Variants in WDFY2 observed in about 807,000 individuals in gnomAD.
The protein encoded by WDFY2 is WD repeat and FYVE domain containing 2.
WDFY2 carries 36 observed loss-of-function variants against 56.4 expected under a neutral mutation model. The ratio of observed to expected loss-of-function variants is 0.64; its 90% CI spans 0.49 to 0.84. The LOEUF (loss-of-function observed/expected upper bound fraction) is 0.84, where lower values mean the gene tolerates loss of function less well. WDFY2 is among the 40% of genes least tolerant of loss of function. The pLI is 0.00. For missense variants in WDFY2, 444 were observed against 512.2 expected (o/e 0.87, Z 1.29); for synonymous variants, 176 against 183.7 (o/e 0.96, Z 0.34).
chr13:51,617,177 AATCTATTTAATAAGAATTC>A (rs1179204437), intron 1 of WDFY2, among the ~76,000 whole-genome samples: 2 of 152,184 alleles, frequency 1.3e-5, no homozygotes, highest in African/African-American at 4.8e-5. Context: ...ACTCTAACTT[AATCTATTTAATAAGAATTC>A]CTATTTCTGT....
At chr13:51,755,302 T>A in intron 8 of WDFY2, 56 bp from the exon 9 acceptor site, 1 of 1,536,304 alleles carries the variant, frequency 6.5e-7, no homozygotes, top group Non-Finnish European at 9.0e-7. Context: ...GGGTCAGTGG[T>A]TTCCATTGTC....
intron 1 of WDFY2, among the ~76,000 whole-genome samples, chr13:51,659,600 A>G (rs1186925554): frequency 1.3e-5 from 2 of 152,190 alleles, no homozygotes; most frequent in Admixed American, 1.3e-4. Flanking sequence ...TTTGGTCAGA[A>G]CATCATGATA....
At chr13:51,676,970 A>G (rs1955898104) in intron 3 of WDFY2, among the ~76,000 whole-genome samples, 1 of 152,230 alleles carries the variant, frequency 6.6e-6, no homozygotes, top group African/African-American at 2.4e-5. Flanking sequence ...ACTTAGGTTT[A>G]CATAACATAG....
At chr13:51,747,581 G>C (rs1953131622) in intron 7 of WDFY2, among the ~76,000 whole-genome samples, 1 of 152,226 alleles carries the variant, frequency 6.6e-6, no homozygotes, top group Admixed American at 6.5e-5. Context: ...ACCCAGGCTA[G>C]AGTGCAGTGG....
chr13:51,607,717 A>G (rs1476932477), intron 1 of WDFY2, among the ~76,000 whole-genome samples: 1 of 152,200 alleles, frequency 6.6e-6, no homozygotes, highest in Non-Finnish European at 1.5e-5. Context: ...CCCATATGCC[A>G]TGTCTCAGAA....
rs140815818 is a variant in WDFY2, at chr13:51,585,018, C to T, written c.137+194C>T. Among the ~76,000 whole-genome samples the T allele has an allele frequency of 9.3e-3, 1,419 of 152,312 alleles. 16 individuals are homozygous for T. Among genetic ancestry groups the T allele is most frequent in the African/African-American group, 0.031 (1,294 of 41,558 alleles). On this transcript the variant is annotated intron_variant, in intron 1 of 11. Coordinates refer to ENST00000298125, the MANE Select transcript of WDFY2 (RefSeq NM_052950.4). ...GCTGTGTGGCTCCGGGAAGCGGAGC[C>T]GGGACGGCGGCGAGCGCTCCGGCTT...
chr13:51,692,317 A>G (rs1305926128), intron 3 of WDFY2, among the ~76,000 whole-genome samples: 3 of 152,276 alleles, frequency 2.0e-5, no homozygotes, highest in Admixed American at 6.5e-5. Flanking sequence ...TCAGTATGAT[A>G]TTGGCTGTAG....
intron 1 of WDFY2, among the ~76,000 whole-genome samples, chr13:51,635,064 G>C (rs569189521): frequency 4.0e-5 from 6 of 151,864 alleles, no homozygotes; most frequent in Non-Finnish European, 7.4e-5. Flanking sequence ...TCAGCCTCCC[G>C]AGTAGCTGGG....
intron 1 of WDFY2, among the ~76,000 whole-genome samples, chr13:51,610,012 T>A (rs1361581087): frequency 6.6e-6 from 1 of 152,124 alleles, no homozygotes; most frequent in Non-Finnish European, 1.5e-5. Context: ...TTCTTTTTCC[T>A]GATTTATACC....
chr13:51,756,217 C>T, intron 9 of WDFY2, 115 bp from the exon 10 acceptor site: 1 of 1,447,946 alleles, frequency 6.9e-7, no homozygotes, highest in Non-Finnish European at 9.3e-7. Flanking sequence ...CTCTCTTGTT[C>T]AGCATCCTCA....
chr13:51,649,597 C>T (rs181927086), intron 1 of WDFY2, among the ~76,000 whole-genome samples: 242 of 132,260 alleles, frequency 1.8e-3, no homozygotes, highest in African/African-American at 6.5e-3. Flanking sequence ...CACAATAGGC[C>T]CCAGCCCTGG....
chr13:51,604,332 G>T (rs1593866053), intron 1 of WDFY2, among the ~76,000 whole-genome samples: 1 of 152,172 alleles, frequency 6.6e-6, no homozygotes. Context: ...AATGAGTTGA[G>T]AGAAACATCT....
chr13:51,596,547 T>G (rs1054058211), intron 1 of WDFY2, among the ~76,000 whole-genome samples: 5 of 152,234 alleles, frequency 3.3e-5, no homozygotes, highest in Admixed American at 6.5e-5. Context: ...AAATACAGTT[T>G]GAGTGCAAAG....
chr13:51,760,627 A>C lies in WDFY2; in HGVS notation c.*858A>C, dbSNP rs1027418819. The C allele has an allele frequency of 2.0e-5, 3 of 152,214 alleles. No homozygotes were observed. Among genetic ancestry groups the C allele is most frequent in the African/African-American group, 7.2e-5 (3 of 41,454 alleles). The allele number at this position is 152,214 out of a possible 1,614,324, so 9.4% of individuals were successfully genotyped here. A position where few individuals can be genotyped will look rare whatever the true frequency, so the allele number is the denominator to read the frequency against. On this transcript the variant is annotated 3_prime_UTR_variant, in exon 12 of 12. Transcript: ENST00000298125. ...AGCTCTCCCTCACTCGTAACAATGA[A>C]AACAAATGACACACACACAAAATCC...
chr13:51,664,194 G>A (rs1593956865), intron 2 of WDFY2, among the ~76,000 whole-genome samples: 1 of 152,138 alleles, frequency 6.6e-6, no homozygotes, highest in Non-Finnish European at 1.5e-5. Flanking sequence ...AAGAGCAGAC[G>A]CATCATGGTC....
intron 6 of WDFY2, among the ~76,000 whole-genome samples, chr13:51,737,551 T>TAAAAAAAAAAAAA (rs67418551): frequency 2.4e-4 from 13 of 53,238 alleles, no homozygotes; most frequent in African/African-American, 4.6e-4. Flanking sequence ...ACAATGAATT[T>TAAAAAAAAAAAAA]AAAAAAAAAA....
Position 51,596,483 on chromosome 13 carries a change from G to A in WDFY2, c.137+11659G>A, listed in dbSNP as rs188506387. 1.5e-3 allele frequency among the ~76,000 whole-genome samples: 233 copies of A among 152,314 alleles called. 1 individual carries two copies. The highest frequency in any genetic ancestry group is 1.8e-3 in the Non-Finnish European group (125 of 68,026). ...AAAGTTTGAGAAAGTAAAGTTCACC[G>A]AATCCTAAAAGGTTCTGTCAACCTT... is the stretch of plus-strand genomic sequence containing the variant. On this transcript the variant is annotated intron_variant, in intron 1 of 11. Coordinates refer to ENST00000298125, the MANE Select transcript of WDFY2 (RefSeq NM_052950.4).
chr13:51,688,506 A>G (rs1003892404), intron 3 of WDFY2, among the ~76,000 whole-genome samples: 2 of 152,198 alleles, frequency 1.3e-5, no homozygotes, highest in African/African-American at 4.8e-5. Flanking sequence ...TATGCAACAT[A>G]CAACCAAGTA....
At chr13:51,624,975 G>A (rs892637415) in intron 1 of WDFY2, among the ~76,000 whole-genome samples, 2 of 152,240 alleles carry the variant, frequency 1.3e-5, no homozygotes, top group African/African-American at 4.8e-5. Context: ...TGAAGATTTA[G>A]TCTTTTGCTC....
Sources: allele counts gnomAD v4.1 joint callset (sites outside exome capture counted in the v4.1 genomes callset), GRCh38; gene constraint gnomAD v4.1.1; transcripts MANE v1.5; gene names NCBI Gene and HGNC (gene_info 2026-07-23, HGNC 2026-07-21).